Variants in GSE1 observed in about 807,000 individuals in gnomAD.
GSE1 encodes the protein genetic suppressor element 1.
GSE1 carries 32 observed loss-of-function variants against 112.6 expected under a neutral mutation model. That is an observed-to-expected ratio of 0.28 (90% CI 0.21 to 0.38). The LOEUF (loss-of-function observed/expected upper bound fraction) is 0.38, where lower values mean the gene tolerates loss of function less well. Among genes scored for constraint, GSE1 ranks in the 10% least tolerant of loss-of-function variants. The probability of loss-of-function intolerance (pLI) is 1.00; values close to 1 mark genes in which losing one functional copy is unlikely to be tolerated. For synonymous variants in GSE1, 1,115 were observed against 735.6 expected, an observed-to-expected ratio of 1.52 and a Z score of -8.35; for missense variants, 2,348 against 1,699.2, an observed-to-expected ratio of 1.38 and a Z score of -6.71.
intron 2 of GSE1, among the ~76,000 whole-genome samples, chr16:85,358,014 A>G (rs991408547): frequency 7.2e-5 from 11 of 152,172 alleles, no homozygotes; most frequent in East Asian, 1.9e-4. Flanking sequence ...TCAGATGTCA[A>G]CACACTGTGT....
chr16:85,426,156 T>C (rs960036371), intron 2 of GSE1, among the ~76,000 whole-genome samples: 1 of 147,930 alleles, frequency 6.8e-6, no homozygotes, highest in Admixed American at 6.7e-5. Context: ...GATGAATGGA[T>C]GGGTGGGTGG....
At chr16:85,363,225 C>T (rs1461349130) in intron 2 of GSE1, among the ~76,000 whole-genome samples, 1 of 152,244 alleles carries the variant, frequency 6.6e-6, no homozygotes, top group African/African-American at 2.4e-5. Context: ...AAGATTGACT[C>T]TCTGCTTATG....
chr16:85,439,910 A>T (rs1359894626), intron 2 of GSE1, among the ~76,000 whole-genome samples: 1 of 152,220 alleles, frequency 6.6e-6, no homozygotes, highest in African/African-American at 2.4e-5. Context: ...ACCCACAGAT[A>T]CATACATGCA....
chr16:85,571,066 A>G (rs553431847), intron 1 of GSE1, among the ~76,000 whole-genome samples: 2 of 152,318 alleles, frequency 1.3e-5, no homozygotes, highest in South Asian at 4.1e-4. Context: ...AGCATGCCAC[A>G]AACTGTACTG....
At chr16:85,315,596 G>A (rs2045968889) in intron 1 of GSE1, among the ~76,000 whole-genome samples, 1 of 152,276 alleles carries the variant, frequency 6.6e-6, no homozygotes, top group African/African-American at 2.4e-5. Flanking sequence ...CCCAACCCCT[G>A]TGTCCTGGGG....
chr16:85,449,438 C>T lies in GSE1; in HGVS notation c.2464+91795C>T, dbSNP rs1447063819. 5.3e-5 allele frequency among the ~76,000 whole-genome samples: 8 copies of T among 152,244 alleles called. No homozygotes were observed. In the South Asian group the frequency reaches 1.0e-3, roughly 20 times the overall value. On this transcript the variant is annotated intron_variant, in intron 2 of 2. Transcript: ENST00000637419. ...TGGGGGGCGGGGAAGATCAGAGCCC[C>T]GGCTCCCAGATCCGGCTGCGGTCGT...
intron 2 of GSE1, among the ~76,000 whole-genome samples, chr16:85,369,540 C>G (rs551146893): frequency 6.6e-6 from 1 of 152,188 alleles, no homozygotes; most frequent in African/African-American, 2.4e-5. Flanking sequence ...TCTCACATCT[C>G]CCACCACCCA....
intron 2 of GSE1, among the ~76,000 whole-genome samples, chr16:85,480,660 C>T (rs780788714): frequency 6.6e-6 from 1 of 152,076 alleles, no homozygotes; most frequent in Non-Finnish European, 1.5e-5. Flanking sequence ...GGACAATCCA[C>T]CCTGGGTGTT....
intron 2 of GSE1, among the ~76,000 whole-genome samples, chr16:85,422,703 C>A (rs900047503): frequency 2.0e-5 from 3 of 152,106 alleles, no homozygotes; most frequent in African/African-American, 7.2e-5. Context: ...CAGGCAGAGG[C>A]CCTGCAGGTG....
intron 2 of GSE1, among the ~76,000 whole-genome samples, chr16:85,414,304 C>G (rs574571036): frequency 6.6e-6 from 1 of 152,382 alleles, no homozygotes; most frequent in South Asian, 2.1e-4. Context: ...GTTGCTAAAT[C>G]ACTGCCATGG....
chr16:85,199,458 ATG>A (rs2074988589), intron 1 of GSE1, among the ~76,000 whole-genome samples: 1 of 152,192 alleles, frequency 6.6e-6, no homozygotes, highest in South Asian at 2.1e-4. Context: ...AAGGAGGGCG[ATG>A]TGTTTATTTT....
chr16:85,179,142 C>A (rs1433843432), intron 1 of GSE1, among the ~76,000 whole-genome samples: 1 of 152,100 alleles, frequency 6.6e-6, no homozygotes, highest in African/African-American at 2.4e-5. Flanking sequence ...ACCCTGTGCC[C>A]GTCAGGAGTC....
intron 2 of GSE1, among the ~76,000 whole-genome samples, chr16:85,381,105 A>T (rs1206283352): frequency 6.6e-6 from 1 of 151,564 alleles, no homozygotes; most frequent in Non-Finnish European, 1.5e-5. Context: ...GCCGTTCCTC[A>T]CTCCCCCACC....
chr16:85,512,203 A>T (rs1427560005), intron 2 of GSE1, among the ~76,000 whole-genome samples: 1 of 152,182 alleles, frequency 6.6e-6, no homozygotes, highest in Admixed American at 6.5e-5. Flanking sequence ...CCCTGGGGTC[A>T]TCCTCTCAGC....
chr16:85,207,817 C>T (rs1018908960), intron 1 of GSE1: 3 of 152,254 alleles, frequency 2.0e-5, no homozygotes, highest in African/African-American at 4.8e-5. Context: ...CACCACGCGC[C>T]GTGCTGGGTG....
intron 3 of GSE1, 90 bp from the exon 4 acceptor site, chr16:85,654,188 G>T (rs956495231): frequency 8.5e-7 from 1 of 1,181,760 alleles, no homozygotes; most frequent in Non-Finnish European, 1.2e-6. Flanking sequence ...TAAATCTAGC[G>T]CCTTCCCGTG....
At chr16:85,416,469 G>A (rs1180234108) in intron 2 of GSE1, among the ~76,000 whole-genome samples, 3 of 152,158 alleles carry the variant, frequency 2.0e-5, no homozygotes, top group African/African-American at 4.8e-5. Context: ...CCACCGGGCG[G>A]TGCTTTCTGC....
intron 1 of GSE1, among the ~76,000 whole-genome samples, chr16:85,301,181 A>G (rs1038622377): frequency 6.6e-6 from 1 of 152,188 alleles, no homozygotes; most frequent in East Asian, 1.9e-4. Context: ...TGCCAAGCCC[A>G]CTGCAGGCAT....
chr16:85,473,634 G>A (rs1375686284), intron 2 of GSE1, among the ~76,000 whole-genome samples: 2 of 152,160 alleles, frequency 1.3e-5, no homozygotes, highest in Non-Finnish European at 2.9e-5. Flanking sequence ...GACACACATC[G>A]TGGGATTTAG....
Sources: gnomAD v4.1 joint callset for allele counts (sites outside exome capture counted in the v4.1 genomes callset) on GRCh38, gnomAD v4.1.1 for gene constraint, MANE v1.5 for transcripts, NCBI Gene and HGNC (gene_info 2026-07-23, HGNC 2026-07-21) for gene names.